Variants in ZFP2 observed in about 807,000 individuals in gnomAD.
ZFP2 encodes ZFP2 zinc finger protein.
In ZFP2, 33 loss-of-function variants were observed where a neutral mutation model predicts 36.1. The ratio of observed to expected loss-of-function variants is 0.92; its 90% confidence interval spans 0.69 to 1.22. The LOEUF (loss-of-function observed/expected upper bound fraction) is 1.22, where lower values mean the gene tolerates loss of function less well. Among genes scored for constraint, ZFP2 ranks in the 50% most tolerant of loss-of-function variants. The probability of loss-of-function intolerance (pLI) is 0.00; values close to 1 mark genes in which losing one functional copy is unlikely to be tolerated. For synonymous variants in ZFP2, 170 were observed against 178.0 expected (o/e 0.96, Z 0.36); for missense variants, 522 against 551.4 (o/e 0.95, Z 0.53).
chr5:178,907,145 A>G (rs1318280968), intron 1 of ZFP2, among the ~76,000 whole-genome samples: 3 of 152,084 alleles, frequency 2.0e-5, no homozygotes, highest in Non-Finnish European at 4.4e-5. Context: ...TTGTGAGGAA[A>G]GGGCTGAACA....
chr5:178,932,807 T>A lies in ZFP2; in HGVS notation c.*108T>A, dbSNP rs1382988588. The A allele has an allele frequency of 3.7e-6, 5 of 1,358,796 alleles. No homozygotes were observed. The highest frequency in any genetic ancestry group is 4.0e-6 in the Non-Finnish European group (4 of 1,011,810). The allele number at this position is 1,358,796 out of a possible 1,614,324, so 84.2% of individuals were successfully genotyped here. On this transcript the variant is annotated 3_prime_UTR_variant, in exon 5 of 5. Coordinates refer to ENST00000361362, the MANE Select transcript of ZFP2 (RefSeq NM_030613.4). ...TGTAATGATTGTGGGAATCTTTCAGTTGAAGTACAATATGTCATATCAGAT... is the reference window on the plus strand; with the variant it reads ...TGTAATGATTGTGGGAATCTTTCAGATGAAGTACAATATGTCATATCAGAT...
At chr5:178,919,981 T>A (rs997921280) in intron 4 of ZFP2, among the ~76,000 whole-genome samples, 10 of 151,602 alleles carry the variant, frequency 6.6e-5, no homozygotes, top group African/African-American at 9.7e-5. Flanking sequence ...AAAAAAAAAA[T>A]TTGATTATGA....
At chr5:178,907,310 C>T (rs1385282962) in intron 1 of ZFP2, among the ~76,000 whole-genome samples, 1 of 151,664 alleles carries the variant, frequency 6.6e-6, no homozygotes, top group Admixed American at 6.6e-5. Flanking sequence ...AATATAGATA[C>T]ATATATGTGT....
chr5:178,922,490 A>G, intron 4 of ZFP2: 1 of 1,375,052 alleles, frequency 7.3e-7, no homozygotes, highest in Non-Finnish European at 1.0e-6. Context: ...AAGAGTTTTC[A>G]GTAGAAATGG....
rs185079797 is a variant in ZFP2 at position 178,914,336 on chromosome 5, G to T, written c.-224+1265G>T. 4.2e-4 allele frequency among the ~76,000 whole-genome samples: 64 copies of T among 152,174 alleles called. No homozygotes were observed. In the East Asian group the frequency reaches 8.9e-3, roughly 21 times the overall value. On this transcript the variant is annotated intron_variant, in intron 3 of 4. Coordinates refer to ENST00000361362, the MANE Select transcript of ZFP2 (RefSeq NM_030613.4). ...TCCCACAAGTTTTTTTAAAGAATGG[G>T]ATTCTGGGAGAGGAATCACTGGGTC...
intron 4 of ZFP2, among the ~76,000 whole-genome samples, chr5:178,921,416 G>T (rs764554757): frequency 7.8e-6 from 1 of 128,030 alleles, no homozygotes; most frequent in Non-Finnish European, 1.9e-5. Flanking sequence ...ATGAAGTGGG[G>T]CTTCTTGCTA....
intron 1 of ZFP2, among the ~76,000 whole-genome samples, chr5:178,906,920 T>C (rs1166782898): frequency 6.6e-6 from 1 of 152,038 alleles, no homozygotes; most frequent in Non-Finnish European, 1.5e-5. Flanking sequence ...TTTAATCTGT[T>C]CCAAAGTGTT....
At chr5:178,904,335 G>C (rs1425983825) in intron 1 of ZFP2, among the ~76,000 whole-genome samples, 1 of 152,134 alleles carries the variant, frequency 6.6e-6, no homozygotes, top group South Asian at 2.1e-4. Flanking sequence ...ATGTGGTTGA[G>C]GATAGTGTTA....
Position 178,930,314 on chromosome 5 carries a change from C to CTTTTTTTT in ZFP2, c.-77-906_-77-899dup, listed in dbSNP as rs990713790. Reference sequence around the variant, plus strand: ...ATTTCTTTCTTTTTTTTTCCCTTTCCTTTTTTTTTTTTTTTTTTTTTTTTG... The same window carrying CTTTTTTTT: ...ATTTCTTTCTTTTTTTTTCCCTTTCCTTTTTTTTTTTTTTTTTTTTTTTTTTTTTTTTG... On this transcript the variant is annotated intron_variant, in intron 4 of 4. Transcript: ENST00000361362. Among the ~76,000 whole-genome samples the CTTTTTTTT allele has an allele frequency of 1.6e-3, 112 of 71,372 alleles. 3 individuals are homozygous for CTTTTTTTT. Among genetic ancestry groups the CTTTTTTTT allele is most frequent in the Non-Finnish European group, 2.3e-3 (92 of 40,634 alleles). 46.8% of individuals were successfully genotyped at this position (71,372 alleles called of 152,430 possible). A position where few individuals can be genotyped will look rare whatever the true frequency, so the allele number is the denominator to read the frequency against.
At chr5:178,918,136 C>A (rs912059942) in intron 4 of ZFP2, among the ~76,000 whole-genome samples, 2 of 152,172 alleles carry the variant, frequency 1.3e-5, no homozygotes, top group South Asian at 2.1e-4. Flanking sequence ...GTCTCCCTTT[C>A]TCTTGCTAAA....
rs1758327560 is a variant in ZFP2 at position 178,912,973 on chromosome 5, C to T, written c.-313-9C>T. ...AGAACCCAAATTTAATGTCTCTCCTCTTAAGCAGGAAATCACCTTTCCAAA... is the reference window on the plus strand; with the variant it reads ...AGAACCCAAATTTAATGTCTCTCCTTTTAAGCAGGAAATCACCTTTCCAAA... On this transcript the variant is annotated splice_polypyrimidine_tract_variant and intron_variant, in intron 2 of 4. Coordinates refer to ENST00000361362, the MANE Select transcript of ZFP2 (RefSeq NM_030613.4). 1.0e-6 allele frequency: 1 copy of T among 985,734 alleles called. No individual in the cohort carries two copies. Among genetic ancestry groups the T allele is most frequent in the Admixed American group, 6.1e-5 (1 of 16,274 alleles). The allele number at this position is 985,734 out of a possible 1,614,324, so 61.1% of individuals were successfully genotyped here.
chr5:178,897,176 C>G (rs577925651), intron 1 of ZFP2, among the ~76,000 whole-genome samples: 1 of 151,872 alleles, frequency 6.6e-6, no homozygotes, highest in African/African-American at 2.4e-5. Context: ...TACCTCCTGT[C>G]TTATTCCCTC....
intron 1 of ZFP2, among the ~76,000 whole-genome samples, chr5:178,906,598 T>C (rs1025598359): frequency 2.6e-5 from 4 of 152,136 alleles, no homozygotes; most frequent in East Asian, 3.9e-4. Flanking sequence ...CTCTGTTGCC[T>C]AGGCTGGAGT....
intron 4 of ZFP2, among the ~76,000 whole-genome samples, chr5:178,929,946 G>GTT (rs1469559379): frequency 1.1e-3 from 164 of 147,610 alleles, no homozygotes; most frequent in African/African-American, 3.9e-3. Flanking sequence ...TGACGGTGGG[G>GTT]GGGGGGGCTC....
At chr5:178,913,819 T>C (rs1462881428) in intron 3 of ZFP2, 2 of 151,610 alleles carry the variant, frequency 1.3e-5, no homozygotes, top group African/African-American at 4.8e-5. Context: ...CTTTATCTTC[T>C]CTACCATGTG....
chr5:178,918,005 C>T (rs1390371815), intron 4 of ZFP2, among the ~76,000 whole-genome samples: 1 of 152,204 alleles, frequency 6.6e-6, no homozygotes. Context: ...GTCACCTTTT[C>T]AGTGAGGCCT....
At chr5:178,902,010 C>CTGT (rs1758067353) in intron 1 of ZFP2, among the ~76,000 whole-genome samples, 1 of 152,086 alleles carries the variant, frequency 6.6e-6, no homozygotes, top group Non-Finnish European at 1.5e-5. Flanking sequence ...TGGCACACAC[C>CTGT]TGTAATCCCA....
intron 3 of ZFP2, among the ~76,000 whole-genome samples, chr5:178,913,446 C>T (rs931368797): frequency 1.3e-5 from 2 of 152,194 alleles, no homozygotes; most frequent in Non-Finnish European, 2.9e-5. Flanking sequence ...TCAACCATAA[C>T]GTATATCCAT....
At position 178,931,643 on chromosome 5, in the gene ZFP2, C is replaced by G; in HGVS notation, c.330C>G (p.Thr110=). The G allele has an allele frequency of 6.2e-7, 1 of 1,614,102 alleles. No individual in the cohort carries two copies. The highest frequency in any genetic ancestry group is 8.5e-7 in the Non-Finnish European group (1 of 1,180,014). ...KIYECNQCSK[T]FSQSSSLLKH... Reference sequence around the variant, plus strand: ...ATGAATGTAATCAGTGCAGCAAAACCTTCAGTCAGAGCTCATCCCTTCTTA... The same window carrying G: ...ATGAATGTAATCAGTGCAGCAAAACGTTCAGTCAGAGCTCATCCCTTCTTA... The change falls in exon 5 of 5, where the codon ACC becomes ACG. Residue 110 remains threonine, a synonymous_variant. Coordinates refer to ENST00000361362, the MANE Select transcript of ZFP2 (RefSeq NM_030613.4).
Sources: allele counts gnomAD v4.1 joint callset (sites outside exome capture counted in the v4.1 genomes callset), GRCh38; gene constraint gnomAD v4.1.1; transcripts MANE v1.5; gene names NCBI Gene and HGNC (gene_info 2026-07-23, HGNC 2026-07-21).